TET3: variants seen among roughly 807,000 people sequenced by gnomAD.
The protein encoded by TET3 is tet methylcytosine dioxygenase 3.
TET3 carries 19 observed loss-of-function variants against 141.4 expected under a neutral mutation model. The ratio of observed to expected loss-of-function variants is 0.13; its 90% CI spans 0.09 to 0.20. The LOEUF is 0.20. Ranked by LOEUF, TET3 falls within the 10% of genes least tolerant of loss-of-function variation. The pLI is 1.00. For missense variants in TET3, 1,874 were observed against 2,356.9 expected (o/e 0.80, Z 4.24); for synonymous variants, 1,043 against 980.9 (o/e 1.06, Z -1.18).
At chr2:74,014,041 T>G (rs1685604289) in intron 3 of TET3, among the ~76,000 whole-genome samples, 1 of 152,154 alleles carries the variant, frequency 6.6e-6, no homozygotes, top group South Asian at 2.1e-4. Context: ...ACATTGTATA[T>G]TTTTTCTTTT....
intron 6 of TET3, among the ~76,000 whole-genome samples, chr2:74,083,388 A>T (rs962441029): frequency 6.6e-5 from 10 of 152,182 alleles, no homozygotes; most frequent in African/African-American, 2.4e-4. Flanking sequence ...CTCATTAGGG[A>T]CACAGTAAAA....
At chr2:73,991,111 T>C (rs1349600351) in intron 2 of TET3, among the ~76,000 whole-genome samples, 1 of 151,424 alleles carries the variant, frequency 6.6e-6, no homozygotes, top group East Asian at 2.0e-4. Flanking sequence ...GCCCGGCCCT[T>C]GGTGTTTTTT....
rs11376599 is a variant in TET3, at chr2:74,106,093, C to CT, written c.*3927dup. On this transcript the variant is annotated 3_prime_UTR_variant, in exon 12 of 12. Transcript: ENST00000409262. Reference sequence around the variant, plus strand: ...AACAAGGTGGGCTCCAGTCTCTTGGCTTTTTTTTTTCCCTCCCCTCTTTTG... The same window carrying CT: ...AACAAGGTGGGCTCCAGTCTCTTGGCTTTTTTTTTTTCCCTCCCCTCTTTTG... 0.95 allele frequency: 141,430 copies of CT among 148,336 alleles called. 67,560 individuals carry two copies. Among genetic ancestry groups the CT allele is most frequent in the East Asian group, 1 (5,049 of 5,064 alleles). The allele number at this position is 148,336 out of a possible 1,614,324, so 9.2% of individuals were successfully genotyped here.
At chr2:74,035,071 G>A (rs1163245695) in intron 3 of TET3, among the ~76,000 whole-genome samples, 28 of 151,278 alleles carry the variant, frequency 1.9e-4, no homozygotes, top group African/African-American at 6.1e-4. Context: ...GTATGGTGGC[G>A]GGCGCCTGTA....
rs144961954 is a variant in TET3, at chr2:74,014,667, G to A, written c.360+11501G>A. ...TTTTGGTAGTATTTAGAAAAGCCTC[G>A]TACATTAGCACCAGAAGAAATGAAG... On this transcript the variant is annotated intron_variant, in intron 3 of 11. Transcript: ENST00000409262. Among the ~76,000 whole-genome samples the A allele has an allele frequency of 1.7e-3, 260 of 152,146 alleles. 1 individual carries two copies. The highest frequency in any genetic ancestry group is 5.6e-3 in the African/African-American group (231 of 41,474).
Position 74,101,641 on chromosome 2 carries a change from G to A in TET3, c.4853G>A (p.Ser1618Asn), listed in dbSNP as rs1691222957. Residue 1618 changes from serine to asparagine, a missense_variant, in exon 12 of 12, where the codon AGC becomes AAC. Transcript: ENST00000409262. The surrounding 1 kb of genome is among the most constrained non-coding windows in gnomAD (Gnocchi z 8.5). ...LEEGPAEEPP[S>N]KGAVKEEKGG... ...GAGGGGCCGGCTGAGGAGCCCCCCA[G>A]CAAGGGAGCGGTGAAGGAGGAGAAG... 6.2e-7 allele frequency: 1 copy of A among 1,613,582 alleles called. No homozygotes were observed. The highest frequency in any genetic ancestry group is 8.5e-7 in the Non-Finnish European group (1 of 1,179,778).
upstream of TET3, among the ~76,000 whole-genome samples, chr2:73,984,885 C>G (rs1178555539): frequency 6.8e-6 from 1 of 146,964 alleles, no homozygotes; most frequent in African/African-American, 2.5e-5. The surrounding 1 kb of genome is among the most constrained non-coding windows in gnomAD (Gnocchi z 5.6). Flanking sequence ...CGGGCGAGCA[C>G]GTGCCGCGGT....
At chr2:74,049,513 C>T (rs1687826243) in intron 4 of TET3, among the ~76,000 whole-genome samples, 2 of 152,102 alleles carry the variant, frequency 1.3e-5, no homozygotes, top group African/African-American at 4.8e-5. Flanking sequence ...GGCCCCCACA[C>T]TCTGTTTAGG....
In TET3 at chr2:74,103,785, A is replaced by G. The variant is rs1219019171; in HGVS notation, c.*1609A>G. Reference sequence around the variant, plus strand: ...AAATGATCTCATGCTAGCCATGTGGATGTGTGTGTGGTGAATGGGGGGCTT... The same window carrying G: ...AAATGATCTCATGCTAGCCATGTGGGTGTGTGTGTGGTGAATGGGGGGCTT... On this transcript the variant is annotated 3_prime_UTR_variant, in exon 12 of 12. Transcript: ENST00000409262. The G allele has an allele frequency of 6.5e-6, 1 of 153,698 alleles. No homozygotes were observed. Among genetic ancestry groups the G allele is most frequent in the Non-Finnish European group, 1.5e-5 (1 of 68,038 alleles). The allele number at this position is 153,698 out of a possible 1,614,324, so 9.5% of individuals were successfully genotyped here. A position where few individuals can be genotyped will look rare whatever the true frequency, so the allele number is the denominator to read the frequency against.
chr2:74,026,905 G>C (rs560449918), intron 3 of TET3, among the ~76,000 whole-genome samples: 13 of 152,256 alleles, frequency 8.5e-5, no homozygotes, highest in African/African-American at 2.9e-4. Flanking sequence ...GCTCAGGGCT[G>C]TCCCAGCTTG....
chr2:74,032,698 A>T (rs926809075), intron 3 of TET3, among the ~76,000 whole-genome samples: 2 of 151,902 alleles, frequency 1.3e-5, no homozygotes, highest in East Asian at 3.9e-4. Flanking sequence ...CCGTCAGGAG[A>T]GCTGGATCCT....
intron 4 of TET3, among the ~76,000 whole-genome samples, chr2:74,060,558 G>T (rs1688448910): frequency 6.6e-6 from 1 of 151,664 alleles, no homozygotes; most frequent in African/African-American, 2.4e-5. Flanking sequence ...ATCATTCTTG[G>T]GTGTTTCTCG....
chr2:73,997,650 T>A (rs948656459), intron 2 of TET3, among the ~76,000 whole-genome samples: 3 of 152,190 alleles, frequency 2.0e-5, no homozygotes, highest in African/African-American at 7.2e-5. Context: ...CTGGTGCTGC[T>A]TCAGTTTCCC....
At position 74,048,165 on chromosome 2, in the gene TET3, G is replaced by C; in HGVS notation, c.2248G>C (p.Ala750Pro). Residue 750 changes from alanine to proline, a missense_variant, in exon 4 of 12, where the codon GCT becomes CCT. Physicochemically the swap from Ala to Pro is conservative, Grantham distance 27 (BLOSUM62 -1). This residue lies in a region of TET3 where 6 missense variants were observed against 16.4 expected (regional missense o/e 0.37). Coordinates refer to ENST00000409262, the MANE Select transcript of TET3 (RefSeq NM_001287491.2). ...TCLPAPESPFATRSPKQIKIE... is the reference protein window; with the variant it reads ...TCLPAPESPFPTRSPKQIKIE... ...TCTCCCAGCCCCTGAGAGCCCCTTT[G>C]CTACCCGTTCCCCCAAGCAAATCAA... The C allele has an allele frequency of 1.2e-6, 2 of 1,612,468 alleles. No homozygotes were observed. Among genetic ancestry groups the C allele is most frequent in the South Asian group, 2.2e-5 (2 of 90,920 alleles).
At chr2:74,055,464 T>C (rs1688165200) in intron 4 of TET3, among the ~76,000 whole-genome samples, 1 of 152,196 alleles carries the variant, frequency 6.6e-6, no homozygotes, top group Non-Finnish European at 1.5e-5. Flanking sequence ...GCACACCTGA[T>C]CCAGAGTAAA....
chr2:74,114,715 G>T, the TET3 span, among the ~76,000 whole-genome samples: 1 of 151,614 alleles, frequency 6.6e-6, no homozygotes, highest in African/African-American at 2.4e-5. Context: ...TTGGCTGGGT[G>T]TGGTGGCAGG....
At chr2:74,108,234 G>T (rs1183942834), downstream of TET3, 2 of 153,732 alleles carry the variant, frequency 1.3e-5, no homozygotes, top group Non-Finnish European at 2.9e-5. Context: ...TGATGTGTCA[G>T]GTACCCTGTA....
In TET3 at chr2:74,102,299, T is replaced by G; in HGVS notation, c.*123T>G. 7.9e-7 allele frequency: 1 copy of G among 1,261,436 alleles called. No homozygotes were observed. Among genetic ancestry groups the G allele is most frequent in the Non-Finnish European group, 1.0e-6 (1 of 996,414 alleles). The allele number at this position is 1,261,436 out of a possible 1,614,324, so 78.1% of individuals were successfully genotyped here. A position where few individuals can be genotyped will look rare whatever the true frequency, so the allele number is the denominator to read the frequency against. ...GTCTTTTTATCTCTATATACATATA[T>G]AGATGCGCATATCATATATATGTAT... On this transcript the variant is annotated 3_prime_UTR_variant, in exon 12 of 12. Transcript: ENST00000409262.
chr2:74,070,207 T>TG (rs35472510), intron 4 of TET3, among the ~76,000 whole-genome samples: 21,066 of 152,182 alleles, frequency 0.14, 2,097 homozygotes, highest in East Asian at 0.51. Context: ...TACCTGAGAC[T>TG]GGGTAATTTA....
Sources: allele counts gnomAD v4.1 joint callset (sites outside exome capture counted in the v4.1 genomes callset), GRCh38; gene constraint gnomAD v4.1.1; regional missense constraint gnomAD v4.1.1; non-coding constraint Gnocchi (gnomAD v3.1); transcripts MANE v1.5; gene names NCBI Gene and HGNC (gene_info 2026-07-23, HGNC 2026-07-21).